The following STAM2 variants were observed in gnomAD, a reference collection of about 807,000 sequenced individuals.
STAM2 encodes the protein signal transducing adapter molecule 2.
In STAM2, 51 loss-of-function variants were observed where a neutral mutation model predicts 65.6. The observed-to-expected ratio is 0.78, with a 90% CI of 0.62 to 0.98. The LOEUF is 0.98. Among genes scored for constraint, STAM2 ranks in the 50% least tolerant of loss-of-function variants. The pLI is 0.00. For missense variants in STAM2, 584 were observed against 617.8 expected (o/e 0.95, Z 0.58); for synonymous variants, 198 against 208.4 (o/e 0.95, Z 0.43).
At chr2:152,152,877 C>T (rs1350535957) in intron 1 of STAM2, among the ~76,000 whole-genome samples, 1 of 152,136 alleles carries the variant, frequency 6.6e-6, no homozygotes, top group Non-Finnish European at 1.5e-5. Flanking sequence ...GAATGATAAA[C>T]ATCAAACTTG....
At chr2:152,163,255 T>C (rs914633029) in intron 1 of STAM2, among the ~76,000 whole-genome samples, 3 of 152,214 alleles carry the variant, frequency 2.0e-5, no homozygotes, top group Non-Finnish European at 2.9e-5. Context: ...GCTCCCAAAA[T>C]TAATACTTTT....
At chr2:152,156,008 C>A (rs1334030260) in intron 1 of STAM2, among the ~76,000 whole-genome samples, 1 of 151,356 alleles carries the variant, frequency 6.6e-6, no homozygotes, top group Admixed American at 6.6e-5. Context: ...AAGACACACA[C>A]ATAATCACGT....
chr2:152,173,351 C>T (rs927180933), intron 1 of STAM2, among the ~76,000 whole-genome samples: 5 of 104,226 alleles, frequency 4.8e-5, no homozygotes, highest in Non-Finnish European at 4.2e-5. Context: ...TGTCTGTGGG[C>T]GTATATACAC....
In STAM2 at chr2:152,117,982, A is replaced by G. The variant is rs981136230; in HGVS notation, c.*2592T>C. ...AATTAGAAGACAGTATTGGTTGACT[A>G]CATTTTACAAACTATAAGAATATAT... On this transcript the variant is annotated 3_prime_UTR_variant, in exon 14 of 14. Coordinates refer to ENST00000263904, the MANE Select transcript of STAM2 (RefSeq NM_005843.6). 6.6e-6 allele frequency: 1 copy of G among 152,146 alleles called. No individual in the cohort carries two copies. Among genetic ancestry groups the G allele is most frequent in the Admixed American group, 6.6e-5 (1 of 15,264 alleles). 9.4% of individuals were successfully genotyped at this position (152,146 alleles called of 1,614,324 possible).
chr2:152,161,487 T>C (rs1024802692), intron 1 of STAM2, among the ~76,000 whole-genome samples: 3 of 91,162 alleles, frequency 3.3e-5, no homozygotes, highest in Non-Finnish European at 6.4e-5. Flanking sequence ...CACCCAAGAA[T>C]GATCAATAAA....
At chr2:152,126,050 C>A in intron 12 of STAM2, 176 bp downstream of exon 12, 1 of 489,398 alleles carries the variant, frequency 2.0e-6, no homozygotes, top group South Asian at 4.8e-5. Flanking sequence ...CAGTATCTGT[C>A]TAATTTGCTC....
intron 1 of STAM2, among the ~76,000 whole-genome samples, chr2:152,158,527 T>C (rs1689595831): frequency 6.6e-6 from 1 of 152,000 alleles, no homozygotes; most frequent in African/African-American, 2.4e-5. Context: ...AACTTAACAA[T>C]CAGGACATGT....
intron 1 of STAM2, among the ~76,000 whole-genome samples, chr2:152,170,686 A>T (rs745824462): frequency 6.6e-6 from 1 of 152,080 alleles, no homozygotes; most frequent in African/African-American, 2.4e-5. Context: ...CATCAACATG[A>T]ATAACTCTCA....
chr2:152,121,225 T>C (rs1688848097), intron 13 of STAM2, among the ~76,000 whole-genome samples: 1 of 152,218 alleles, frequency 6.6e-6, no homozygotes, highest in Non-Finnish European at 1.5e-5. Flanking sequence ...CCTCTGGCCT[T>C]GGCCTCTCAA....
At chr2:152,140,750 A>G (rs1367246137) in intron 7 of STAM2, among the ~76,000 whole-genome samples, 4 of 152,196 alleles carry the variant, frequency 2.6e-5, no homozygotes, top group African/African-American at 9.6e-5. Context: ...GACAGAACCA[A>G]AGGTGCAATG....
At chr2:152,175,513 C>T (rs1378535484) in intron 1 of STAM2, 90 bp downstream of exon 1, 1 of 1,536,250 alleles carries the variant, frequency 6.5e-7, no homozygotes, top group Admixed American at 1.7e-5. Context: ...GCTTCCTAGT[C>T]CCCGGAGTCG....
In STAM2 at chr2:152,148,211, T is replaced by C. The variant is rs892005916; in HGVS notation, c.201+14A>G. 1.6e-5 allele frequency: 25 copies of C among 1,602,272 alleles called. No homozygotes were observed. The highest frequency in any genetic ancestry group is 1.2e-4 in the Admixed American group (7 of 58,484). ...TTAAAATTTGCGTCAAATAATAACA[T>C]GCCTTGTACTCACAGTTAGTGCTTG... On this transcript the variant is annotated intron_variant, in intron 3 of 13. Coordinates refer to ENST00000263904, the MANE Select transcript of STAM2 (RefSeq NM_005843.6).
rs1481243917 is a variant in STAM2 at position 152,163,139 on chromosome 2, T to C, written c.40+12464A>G. Among the ~76,000 whole-genome samples, 4 of 152,306 alleles carry C rather than the reference T, an allele frequency of 2.6e-5. No homozygotes were observed. The East Asian group carries it at 7.7e-4, about 29-fold the overall frequency. On this transcript the variant is annotated intron_variant, in intron 1 of 13. Transcript: ENST00000263904. ...TTAACATAGTTTTTCTGTTTCCCTA[T>C]GTATATACATTGTTGCAAGAAGTCA...
chr2:152,173,834 CT>C (rs1689954870), intron 1 of STAM2, among the ~76,000 whole-genome samples: 1 of 152,204 alleles, frequency 6.6e-6, no homozygotes, highest in South Asian at 2.1e-4. Context: ...ATTCCATTCT[CT>C]TGTCCAGAAG....
Position 152,119,296 on chromosome 2 carries a change from T to TA in STAM2, c.*1277dup, listed in dbSNP as rs1295105963. The TA allele has an allele frequency of 6.6e-6, 1 of 152,202 alleles. No individual in the cohort carries two copies. The allele number at this position is 152,202 out of a possible 1,614,324, so 9.4% of individuals were successfully genotyped here. ...TTACTACCAAACTCTCACAGTTATA[T>TA]AGAATCTATTAGCACTATAAACTAA... On this transcript the variant is annotated 3_prime_UTR_variant, in exon 14 of 14. Transcript: ENST00000263904.
In STAM2 at chr2:152,119,571, A is replaced by C. The variant is rs550181047; in HGVS notation, c.*1003T>G. 13 of 152,316 alleles carry C rather than the reference A, an allele frequency of 8.5e-5. No homozygotes were observed. In the South Asian group the frequency reaches 2.5e-3, roughly 29 times the overall value. The allele number at this position is 152,316 out of a possible 1,614,324, so 9.4% of individuals were successfully genotyped here. A position where few individuals can be genotyped will look rare whatever the true frequency, so the allele number is the denominator to read the frequency against. ...GTATATCTCACAACAAATTATTAGG[A>C]ATGTCTCATGGTTCAAATTCACACG... On this transcript the variant is annotated 3_prime_UTR_variant, in exon 14 of 14. Coordinates refer to ENST00000263904, the MANE Select transcript of STAM2 (RefSeq NM_005843.6).
At chr2:152,167,947 T>C (rs1031374195) in intron 1 of STAM2, among the ~76,000 whole-genome samples, 6 of 151,456 alleles carry the variant, frequency 4.0e-5, no homozygotes, top group Non-Finnish European at 8.8e-5. Flanking sequence ...AAAAGCTTTT[T>C]AACTTAAGAC....
At position 152,149,529 on chromosome 2, in the gene STAM2, G is replaced by A. The variant is rs1218984571; in HGVS notation, c.125+616C>T. Among the ~76,000 whole-genome samples the A allele has an allele frequency of 1.9e-4, 26 of 135,778 alleles. No individual in the cohort carries two copies. In the Admixed American group the frequency reaches 2.0e-3, roughly 10 times the overall value. 89.1% of individuals were successfully genotyped at this position (135,778 alleles called of 152,430 possible). The stretch of plus-strand genomic sequence containing the variant: ...TTTTTTTTTTTTGAGACAGAGTCTC[G>A]CTCTACCGTCCAGGCTGGAGTGCAG... On this transcript the variant is annotated intron_variant, in intron 2 of 13. Coordinates refer to ENST00000263904, the MANE Select transcript of STAM2 (RefSeq NM_005843.6).
chr2:152,165,182 T>C (rs1368317583), intron 1 of STAM2, among the ~76,000 whole-genome samples: 1 of 151,912 alleles, frequency 6.6e-6, no homozygotes, highest in Admixed American at 6.6e-5. Flanking sequence ...TCCCAGCACT[T>C]TGGGAGGCCG....
Sources: gnomAD v4.1 joint callset for allele counts (sites outside exome capture counted in the v4.1 genomes callset) on GRCh38, gnomAD v4.1.1 for gene constraint, MANE v1.5 for transcripts, NCBI Gene and HGNC (gene_info 2026-07-23, HGNC 2026-07-21) for gene names.